Variants in SLIT2 observed in about 807,000 individuals in gnomAD.
SLIT2 encodes slit guidance ligand 2, also known as slit homolog 2 protein.
Under a neutral mutation model 185.7 loss-of-function variants are expected in SLIT2, and 41 were observed. The observed-to-expected ratio is 0.22, with a 90% CI of 0.17 to 0.29. The LOEUF (loss-of-function observed/expected upper bound fraction) is 0.29, where lower values mean the gene tolerates loss of function less well. Among genes scored for constraint, SLIT2 ranks in the 10% least tolerant of loss-of-function variants. The pLI is 1.00. For synonymous variants in SLIT2, 693 were observed against 680.2 expected, an observed-to-expected ratio of 1.02 and a Z score of -0.29; for missense variants, 1,571 against 1,909.0, an observed-to-expected ratio of 0.82 and a Z score of 3.30.
At chr4:20,466,147 ATC>A (rs1347968109) in intron 4 of SLIT2, among the ~76,000 whole-genome samples, 1 of 152,078 alleles carries the variant, frequency 6.6e-6, no homozygotes, top group African/African-American at 2.4e-5. Flanking sequence ...TGTGTCTTCT[ATC>A]TCTCTTTGCT....
chr4:20,585,224 A>T (rs988494628), intron 29 of SLIT2, among the ~76,000 whole-genome samples: 3 of 152,184 alleles, frequency 2.0e-5, no homozygotes, highest in Admixed American at 1.3e-4. Flanking sequence ...AACCTCTCTT[A>T]TCCTGAAGAG....
rs200660715 is a variant in SLIT2 at position 20,599,420 on chromosome 4, TAA to T, written c.3692+1026_3692+1027del. ...TAAGTAGTCAATTTTTCCAGATAAG[TAA>T]CATAAATGATTAAAGAGGTCAAGTG... On this transcript the variant is annotated intron_variant, in intron 33 of 36. Coordinates refer to ENST00000504154, the MANE Select transcript of SLIT2 (RefSeq NM_004787.4). 6.9e-3 allele frequency among the ~76,000 whole-genome samples: 1,045 copies of T among 152,266 alleles called. 8 individuals are homozygous for T. Among genetic ancestry groups the T allele is most frequent in the African/African-American group, 0.024 (985 of 41,556 alleles).
chr4:20,254,101 C>G lies in SLIT2; in HGVS notation c.179+107C>G. The G allele has an allele frequency of 8.8e-7, 1 of 1,138,008 alleles. No homozygotes were observed. The highest frequency in any genetic ancestry group is 1.4e-5 in the South Asian group (1 of 71,268). 70.5% of individuals were successfully genotyped at this position (1,138,008 alleles called of 1,614,324 possible). A position where few individuals can be genotyped will look rare whatever the true frequency, so the allele number is the denominator to read the frequency against. ...GGTCCTGTGCCTGGGGCAGCCCTCGCTAGCTCTCCCCCATGCACATCCTGG... is the reference window on the plus strand; with the variant it reads ...GGTCCTGTGCCTGGGGCAGCCCTCGGTAGCTCTCCCCCATGCACATCCTGG... On this transcript the variant is annotated intron_variant, in intron 1 of 36. Coordinates refer to ENST00000504154, the MANE Select transcript of SLIT2 (RefSeq NM_004787.4). This position sits in a 1 kb window ranked among gnomAD's most constrained non-coding sequence, Gnocchi z 5.1.
rs1226558804 is a variant in SLIT2 at position 20,518,277 on chromosome 4, G to A, written c.1059-1105G>A. On this transcript the variant is annotated intron_variant, in intron 11 of 36. Coordinates refer to ENST00000504154, the MANE Select transcript of SLIT2 (RefSeq NM_004787.4). Reference sequence around the variant, plus strand: ...TATATTTTTTTTTTTTTTTGAGACAGAGTCTCGCTCTGTCGCCCAAGCTGG... The same window carrying A: ...TATATTTTTTTTTTTTTTTGAGACAAAGTCTCGCTCTGTCGCCCAAGCTGG... Among the ~76,000 whole-genome samples the A allele has an allele frequency of 3.2e-4, 41 of 129,932 alleles. 1 individual carries two copies. The highest frequency in any genetic ancestry group is 5.9e-4 in the Non-Finnish European group (37 of 63,100). The allele number at this position is 129,932 out of a possible 152,430, so 85.2% of individuals were successfully genotyped here. A position where few individuals can be genotyped will look rare whatever the true frequency, so the allele number is the denominator to read the frequency against.
intron 5 of SLIT2, among the ~76,000 whole-genome samples, chr4:20,472,596 A>C (rs796423443): frequency 5.7e-5 from 1 of 17,502 alleles, no homozygotes; most frequent in East Asian, 4.7e-3. Context: ...ATAGATATAT[A>C]TCTATAGATA....
intron 4 of SLIT2, among the ~76,000 whole-genome samples, chr4:20,274,604 G>A (rs909631933): frequency 9.2e-5 from 14 of 152,140 alleles, no homozygotes; most frequent in South Asian, 2.1e-4. Context: ...ATTACTAATA[G>A]ACTTGTTGCT....
intron 4 of SLIT2, among the ~76,000 whole-genome samples, chr4:20,391,434 G>A (rs1421369972): frequency 6.6e-6 from 1 of 151,928 alleles, no homozygotes; most frequent in Non-Finnish European, 1.5e-5. Context: ...TTCAACTGTG[G>A]AAAGATCATA....
In SLIT2 at chr4:20,528,161, G is replaced by T; in HGVS notation, c.1463-788G>T. 1 of 476,180 alleles carries T rather than the reference G, an allele frequency of 2.1e-6. No homozygotes were observed. Among genetic ancestry groups the T allele is most frequent in the Non-Finnish European group, 4.3e-6 (1 of 231,964 alleles). The allele number at this position is 476,180 out of a possible 1,614,324, so 29.5% of individuals were successfully genotyped here. On this transcript the variant is annotated intron_variant, in intron 15 of 36. Transcript: ENST00000504154. This position sits in a 1 kb window ranked among gnomAD's most constrained non-coding sequence, Gnocchi z 4.2. ...CTCTTACTGTGGTCATAAACATTCT[G>T]CGGGAAGAATGCATGTCATGTAAAC...
chr4:20,496,628 A>G (rs1026916697), intron 9 of SLIT2, among the ~76,000 whole-genome samples: 1 of 152,122 alleles, frequency 6.6e-6, no homozygotes, highest in East Asian at 1.9e-4. Context: ...TTTTGTAATT[A>G]TATACTATTG....
chr4:20,591,412 G>C (rs1036794749), intron 30 of SLIT2, among the ~76,000 whole-genome samples: 2 of 151,998 alleles, frequency 1.3e-5, no homozygotes, highest in African/African-American at 4.8e-5. Flanking sequence ...GCTTTCTTTT[G>C]ACAATGTGCT....
At chr4:20,546,231 T>C (rs1185866369) in intron 22 of SLIT2, 132 bp downstream of exon 22, 1 of 527,602 alleles carries the variant, frequency 1.9e-6, no homozygotes, top group Non-Finnish European at 3.3e-6. Flanking sequence ...TCCTTGCTCA[T>C]TGCGGTTCTG....
rs893140547 is a variant in SLIT2, at chr4:20,334,132, A to T, written c.395+65251A>T. Reference sequence around the variant, plus strand: ...TCATCATCCCATCTCTAGAGAGAAAATATGGTTATCCCTCGCTAGAGAAAT... The same window carrying T: ...TCATCATCCCATCTCTAGAGAGAAATTATGGTTATCCCTCGCTAGAGAAAT... On this transcript the variant is annotated intron_variant, in intron 4 of 36. Transcript: ENST00000504154. Among the ~76,000 whole-genome samples the T allele has an allele frequency of 2.0e-5, 3 of 152,130 alleles. No homozygotes were observed. In the East Asian group the frequency reaches 5.8e-4, roughly 29 times the overall value.
intron 30 of SLIT2, 147 bp downstream of exon 30, chr4:20,589,884 C>A (rs980731286): frequency 1.2e-5 from 5 of 408,706 alleles, no homozygotes; most frequent in East Asian, 4.8e-5. Context: ...TTTTAAATGT[C>A]GATATACAAT....
intron 29 of SLIT2, among the ~76,000 whole-genome samples, chr4:20,584,298 A>G (rs1726860696): frequency 6.6e-6 from 1 of 152,100 alleles, no homozygotes; most frequent in Non-Finnish European, 1.5e-5. Context: ...AACTAACCAA[A>G]TGTCATTTTC....
At chr4:20,468,015 G>A (rs1214422905) in intron 5 of SLIT2, among the ~76,000 whole-genome samples, 192 bp downstream of exon 5, 1 of 152,116 alleles carries the variant, frequency 6.6e-6, no homozygotes, top group Non-Finnish European at 1.5e-5. Context: ...TTTAGAAGAT[G>A]TCTGGAAACA....
At chr4:20,593,716 A>G (rs1423392543) in intron 30 of SLIT2, among the ~76,000 whole-genome samples, 2 of 152,146 alleles carry the variant, frequency 1.3e-5, no homozygotes, top group African/African-American at 4.8e-5. Context: ...GTATGTATGT[A>G]TAAAACATTA....
Position 20,616,957 on chromosome 4 carries a change from C to A in SLIT2, c.3895C>A (p.Gln1299Lys), listed in dbSNP as rs1432274123. ...GGCATCTCTGCGCCAGGCCCCTGGG[C>A]AGAACGGAACCAGCTTCCACGGCTG... ...NVASLRQAPG[Q>K]NGTSFHGCIR... The change falls in exon 35 of 37, where the codon CAG (glutamine) becomes AAG (lysine). Residue 1299 changes from glutamine (Q) to lysine (K), a missense_variant. Around this residue, in one of 3 missense-constraint regions of SLIT2, gnomAD observed 146 missense variants for 247.4 expected, o/e 0.59. Transcript: ENST00000504154. 7.4e-6 allele frequency: 12 copies of A among 1,613,386 alleles called. No individual in the cohort carries two copies. The highest frequency in any genetic ancestry group is 1.0e-5 in the Non-Finnish European group (12 of 1,179,596).
Position 20,346,175 on chromosome 4 carries a change from T to G in SLIT2, c.395+77294T>G, listed in dbSNP as rs192329926. ...GCCCTGCTAAATTTTAAAATATTTT[T>G]GTAGAGATGGGAGCCTCCCTCTCTT... On this transcript the variant is annotated intron_variant, in intron 4 of 36. Transcript: ENST00000504154. Among the ~76,000 whole-genome samples the G allele has an allele frequency of 1.4e-3, 215 of 152,214 alleles. 3 individuals carry two copies. Among genetic ancestry groups the G allele is most frequent in the African/African-American group, 5.1e-3 (211 of 41,542 alleles).
At chr4:20,360,687 G>A (rs574647905) in intron 4 of SLIT2, among the ~76,000 whole-genome samples, 41 of 152,208 alleles carry the variant, frequency 2.7e-4, no homozygotes, top group African/African-American at 9.9e-4. Context: ...ATTAAAACCA[G>A]GATTTGTGGG....
Sources: gnomAD v4.1 joint callset for allele counts (sites outside exome capture counted in the v4.1 genomes callset) on GRCh38, gnomAD v4.1.1 for gene constraint, gnomAD v4.1.1 regional missense constraint, Gnocchi (gnomAD v3.1) non-coding constraint, MANE v1.5 for transcripts, NCBI Gene and HGNC (gene_info 2026-07-23, HGNC 2026-07-21) for gene names.